Variants in CCNY observed in about 807,000 individuals in gnomAD.
The protein encoded by CCNY is cyclin-Y.
CCNY carries 19 observed loss-of-function variants against 42.8 expected under a neutral mutation model. That is an observed-to-expected ratio of 0.44 (90% CI 0.31 to 0.65). The LOEUF is 0.65. Among genes scored for constraint, CCNY ranks in the 30% least tolerant of loss-of-function variants. The pLI is 0.07. For synonymous variants in CCNY, 165 were observed against 162.7 expected (o/e 1.01, Z -0.11); for missense variants, 370 against 437.3 (o/e 0.85, Z 1.37).
chr10:35,515,432 C>T (rs1292319840), intron 3 of CCNY, among the ~76,000 whole-genome samples: 1 of 152,146 alleles, frequency 6.6e-6, no homozygotes, highest in African/African-American at 2.4e-5. Flanking sequence ...TACTTTATTA[C>T]TGAGGAAACC....
At chr10:35,264,433 C>A (rs1373116403) in intron 3 of CCNY, among the ~76,000 whole-genome samples, 1 of 152,168 alleles carries the variant, frequency 6.6e-6, no homozygotes, top group Non-Finnish European at 1.5e-5. Context: ...TTCCCACCAA[C>A]AGTGTAACAA....
At chr10:35,417,175 GC>G (rs1231474197) in intron 1 of CCNY, among the ~76,000 whole-genome samples, 1 of 152,206 alleles carries the variant, frequency 6.6e-6, no homozygotes, top group Non-Finnish European at 1.5e-5. Context: ...CACGTGGAAT[GC>G]CAGTCTTTGC....
chr10:35,364,486 C>T (rs112912024), intron 1 of CCNY, among the ~76,000 whole-genome samples: 1,613 of 152,172 alleles, frequency 0.011, 27 homozygotes, highest in African/African-American at 0.037. Flanking sequence ...AATAATGTTA[C>T]GTATTTAATT....
intron 1 of CCNY, among the ~76,000 whole-genome samples, chr10:35,381,775 G>A (rs993837133): frequency 3.3e-5 from 5 of 152,120 alleles, no homozygotes; most frequent in African/African-American, 1.2e-4. Context: ...TTTTTAAACA[G>A]TAGATTTGAA....
At chr10:35,472,662 A>C (rs939998360) in intron 1 of CCNY, among the ~76,000 whole-genome samples, 4 of 152,210 alleles carry the variant, frequency 2.6e-5, no homozygotes, top group African/African-American at 9.7e-5. Context: ...ACAACCTCTC[A>C]GTATATACTC....
At chr10:35,273,184 T>C (rs544086321) in intron 3 of CCNY, among the ~76,000 whole-genome samples, 1 of 152,078 alleles carries the variant, frequency 6.6e-6, no homozygotes, top group Admixed American at 6.6e-5. Flanking sequence ...CAAAACCTCC[T>C]CATCCTCCTC....
At chr10:35,448,619 A>T (rs1382988987) in intron 1 of CCNY, among the ~76,000 whole-genome samples, 1 of 152,060 alleles carries the variant, frequency 6.6e-6, no homozygotes, top group Non-Finnish European at 1.5e-5. Context: ...TACCTGAAGG[A>T]TATGAGAGCT....
At chr10:35,474,355 A>G (rs931893873) in intron 1 of CCNY, among the ~76,000 whole-genome samples, 2 of 152,210 alleles carry the variant, frequency 1.3e-5, no homozygotes, top group African/African-American at 2.4e-5. Context: ...GGCACAGACA[A>G]ACAAAAAGAC....
At chr10:35,563,409 A>C (rs1479630002) in intron 8 of CCNY, among the ~76,000 whole-genome samples, 1 of 152,100 alleles carries the variant, frequency 6.6e-6, no homozygotes, top group African/African-American at 2.4e-5. Context: ...TTTGGGCAGG[A>C]TTATCAGGCT....
At chr10:35,290,222 T>TCACACACACACACACACACA (rs368209050) in intron 3 of CCNY, among the ~76,000 whole-genome samples, 65 of 122,960 alleles carry the variant, frequency 5.3e-4, no homozygotes, top group Middle Eastern at 8.3e-3. Context: ...CAAGACTCCA[T>TCACACACACACACACACACA]CACACACACA....
At chr10:35,484,261 T>C (rs1728267651) in intron 2 of CCNY, among the ~76,000 whole-genome samples, 1 of 152,242 alleles carries the variant, frequency 6.6e-6, no homozygotes. Context: ...TGCTAAGCTT[T>C]AATTCAGAGA....
At chr10:35,441,286 A>G (rs1838661872) in intron 1 of CCNY, among the ~76,000 whole-genome samples, 1 of 152,256 alleles carries the variant, frequency 6.6e-6, no homozygotes, top group African/African-American at 2.4e-5. Context: ...CTTCTTTGAA[A>G]TGACTTTCAT....
chr10:35,342,623 C>T (rs1354768895), intron 1 of CCNY, among the ~76,000 whole-genome samples: 1 of 152,192 alleles, frequency 6.6e-6, no homozygotes, highest in Non-Finnish European at 1.5e-5. Context: ...CCAGGTCATG[C>T]AGATCATGGA....
At chr10:35,412,793 G>A (rs1440149382) in intron 1 of CCNY, among the ~76,000 whole-genome samples, 2 of 149,286 alleles carry the variant, frequency 1.3e-5, no homozygotes, top group Admixed American at 6.7e-5. Flanking sequence ...CCCAGGAGGC[G>A]GAGGTTGCAG....
chr10:35,252,172 T>C (rs2095712438), intron 3 of CCNY, among the ~76,000 whole-genome samples: 1 of 152,208 alleles, frequency 6.6e-6, no homozygotes. Context: ...CTTTCTTTGA[T>C]ATTTGCCTTT....
chr10:35,374,916 G>A (rs1175777395), intron 1 of CCNY, among the ~76,000 whole-genome samples: 4 of 152,112 alleles, frequency 2.6e-5, no homozygotes, highest in Non-Finnish European at 2.9e-5. Context: ...GCAGCTTCTC[G>A]GATGCTTGTC....
intron 1 of CCNY, among the ~76,000 whole-genome samples, chr10:35,370,491 T>G (rs1437966620): frequency 6.6e-6 from 1 of 151,862 alleles, no homozygotes; most frequent in Non-Finnish European, 1.5e-5. Flanking sequence ...GTATACTTGC[T>G]CTGTGCCTGG....
intron 3 of CCNY, among the ~76,000 whole-genome samples, chr10:35,255,808 C>T (rs761042068): frequency 1.1e-4 from 17 of 151,824 alleles, no homozygotes; most frequent in South Asian, 2.1e-4. Flanking sequence ...TTGCCCAGAC[C>T]GGTCTCGAAC....
At chr10:35,277,438 C>T (rs897829443) in intron 3 of CCNY, among the ~76,000 whole-genome samples, 56 of 152,178 alleles carry the variant, frequency 3.7e-4, no homozygotes, top group Admixed American at 2.7e-3. Context: ...CTGCTGAGGC[C>T]GAGAATTCAA....
Sources: allele counts gnomAD v4.1 joint callset (sites outside exome capture counted in the v4.1 genomes callset), GRCh38; gene constraint gnomAD v4.1.1; transcripts MANE v1.5; gene names NCBI Gene and HGNC (gene_info 2026-07-23, HGNC 2026-07-21).